Variants in SLCO3A1 observed in about 807,000 individuals in gnomAD.
SLCO3A1 encodes solute carrier organic anion transporter family member 3A1.
A neutral mutation model predicts 63.1 loss-of-function variants in SLCO3A1; 27 were observed. The ratio of observed to expected loss-of-function variants is 0.43; its 90% CI spans 0.32 to 0.59. SLCO3A1 has a LOEUF of 0.59. Among genes scored for constraint, SLCO3A1 ranks in the 20% least tolerant of loss-of-function variants. The probability of loss-of-function intolerance (pLI) is 0.09; values close to 1 mark genes in which losing one functional copy is unlikely to be tolerated. For synonymous variants in SLCO3A1, 473 were observed against 409.9 expected (o/e 1.15, Z -1.86); for missense variants, 773 against 945.8 (o/e 0.82, Z 2.40).
At chr15:92,030,691 A>C (rs1014055702) in intron 2 of SLCO3A1, among the ~76,000 whole-genome samples, 3 of 152,116 alleles carry the variant, frequency 2.0e-5, no homozygotes, top group African/African-American at 4.8e-5. Flanking sequence ...GTTGAGCAAC[A>C]TGCTCTAGGT....
At chr15:92,131,585 C>G (rs1202922926) in intron 7 of SLCO3A1, among the ~76,000 whole-genome samples, 1 of 144,954 alleles carries the variant, frequency 6.9e-6, no homozygotes, top group African/African-American at 2.5e-5. Flanking sequence ...CCAGGCTGGT[C>G]TTGAACTCCT....
At chr15:92,064,761 C>A (rs955408932) in intron 2 of SLCO3A1, among the ~76,000 whole-genome samples, 2 of 152,086 alleles carry the variant, frequency 1.3e-5, no homozygotes, top group African/African-American at 4.8e-5. Flanking sequence ...ATGAAATAAG[C>A]CAGGCACAAA....
At chr15:91,932,147 C>T (rs552811103) in intron 2 of SLCO3A1, among the ~76,000 whole-genome samples, 2 of 152,228 alleles carry the variant, frequency 1.3e-5, no homozygotes, top group African/African-American at 4.8e-5. Flanking sequence ...GAAACTGAGG[C>T]TCAGCAGAAT....
At chr15:91,995,877 C>G (rs2046186332) in intron 2 of SLCO3A1, among the ~76,000 whole-genome samples, 1 of 151,724 alleles carries the variant, frequency 6.6e-6, no homozygotes, top group Non-Finnish European at 1.5e-5. Flanking sequence ...TAGAAGGTAA[C>G]TTCCTTATTC....
chr15:92,032,375 C>T (rs1018173948), intron 2 of SLCO3A1, among the ~76,000 whole-genome samples: 5 of 151,954 alleles, frequency 3.3e-5, no homozygotes, highest in African/African-American at 9.7e-5. Context: ...ATGAGGACTT[C>T]AACACAGCAT....
chr15:92,044,762 C>A (rs143144418), intron 2 of SLCO3A1, among the ~76,000 whole-genome samples: 34 of 152,242 alleles, frequency 2.2e-4, no homozygotes, highest in African/African-American at 7.9e-4. Flanking sequence ...GATGCTCCAG[C>A]TTCTACCCAA....
In SLCO3A1 at chr15:91,916,116, C is replaced by G; in HGVS notation, c.304C>G (p.Arg102Gly). 1 of 1,611,332 alleles carries G rather than the reference C, an allele frequency of 6.2e-7. No individual in the cohort carries two copies. Among genetic ancestry groups the G allele is most frequent in the Non-Finnish European group, 8.5e-7 (1 of 1,179,530 alleles). Reference sequence around the variant, plus strand: ...CCTCTTCGTGAGCTACTTCGGGGCACGCGGGCACCGGCCGCGCCTGATCGG... The same window carrying G: ...CCTCTTCGTGAGCTACTTCGGGGCAGGCGGGCACCGGCCGCGCCTGATCGG... ...LILFVSYFGA[R>G]GHRPRLIGCG... The change falls in exon 2 of 10, where the codon CGC (arginine) becomes GGC (glycine). Residue 102 changes from arginine (R) to glycine (G), a missense_variant. Physicochemically the swap from Arg to Gly is moderately radical, Grantham distance 125. This residue lies in a region of SLCO3A1 where 565 missense variants were observed against 749.8 expected (regional missense o/e 0.75). Transcript: ENST00000318445. The surrounding 1 kb of genome is among the most constrained non-coding windows in gnomAD (Gnocchi z 6.2).
chr15:91,907,329 C>T (rs1314576072), intron 1 of SLCO3A1, among the ~76,000 whole-genome samples: 1 of 152,036 alleles, frequency 6.6e-6, no homozygotes, highest in Non-Finnish European at 1.5e-5. Context: ...CCTCAGCCTC[C>T]CGAGTAGCTG....
At chr15:92,068,189 G>T (rs1365329428) in intron 2 of SLCO3A1, among the ~76,000 whole-genome samples, 1 of 152,126 alleles carries the variant, frequency 6.6e-6, no homozygotes, top group African/African-American at 2.4e-5. Flanking sequence ...GTGATAGAGC[G>T]GCACGAAGCT....
chr15:92,020,650 A>G (rs1486403272), intron 2 of SLCO3A1, among the ~76,000 whole-genome samples: 1 of 152,158 alleles, frequency 6.6e-6, no homozygotes, highest in East Asian at 1.9e-4. Flanking sequence ...CCGTGCATGC[A>G]CCACCCAGCA....
chr15:92,069,096 G>GCCCCCCCCCCCACCCCCCCCC (rs56003783), intron 2 of SLCO3A1, among the ~76,000 whole-genome samples: 1 of 115,740 alleles, frequency 8.6e-6, no homozygotes, highest in Non-Finnish European at 1.8e-5. Context: ...GGCTCCCCCC[G>GCCCCCCCCCCCACCCCCCCCC]CCCCCCCCCC....
chr15:92,147,031 A>G lies in SLCO3A1; in HGVS notation c.1560A>G (p.Ala520=). 2.5e-6 allele frequency: 4 copies of G among 1,614,118 alleles called. No homozygotes were observed. Among genetic ancestry groups the G allele is most frequent in the Non-Finnish European group, 3.4e-6 (4 of 1,180,010 alleles). The change falls in exon 8 of 10, where the codon GCA becomes GCG. Residue 520 remains alanine, a synonymous_variant. Transcript: ENST00000318445. ...ACLTTVPAEN[A]TVVPGKCPSP... is the part of the protein sequence containing the mutation. ...TCACCACCGTCCCTGCTGAGAACGC[A>G]ACCGTGGTTCCTGGAAAATGCCCCA... is the stretch of plus-strand genomic sequence containing the variant.
chr15:92,144,252 A>T (rs995348804), intron 7 of SLCO3A1, among the ~76,000 whole-genome samples: 1 of 152,142 alleles, frequency 6.6e-6, no homozygotes, highest in African/African-American at 2.4e-5. Context: ...CATATACATG[A>T]TGTATACACA....
At chr15:91,939,198 C>G (rs1233442174) in intron 2 of SLCO3A1, among the ~76,000 whole-genome samples, 1 of 152,130 alleles carries the variant, frequency 6.6e-6, no homozygotes, top group African/African-American at 2.4e-5. Flanking sequence ...AAAGGAGGAG[C>G]AGGCACGTCA....
At chr15:92,130,497 G>C (rs1464787452) in intron 7 of SLCO3A1, among the ~76,000 whole-genome samples, 1 of 152,248 alleles carries the variant, frequency 6.6e-6, no homozygotes, top group Non-Finnish European at 1.5e-5. Context: ...TGCAGAGGCA[G>C]ATCTCTAGAT....
Position 92,164,950 on chromosome 15 carries a change from G to T in SLCO3A1, c.*1815G>T. On this transcript the variant is annotated 3_prime_UTR_variant, in exon 10 of 10. Transcript: ENST00000318445. Reference sequence around the variant, plus strand: ...TTGTTCATGTCACATTCCTGGCGCTGGAAAAAAAACTCAAAGGTTGATTGG... The same window carrying T: ...TTGTTCATGTCACATTCCTGGCGCTTGAAAAAAAACTCAAAGGTTGATTGG... The T allele has an allele frequency of 1.0e-6, 1 of 977,042 alleles. No homozygotes were observed. 60.5% of individuals were successfully genotyped at this position (977,042 alleles called of 1,614,324 possible).
chr15:91,891,748 T>C (rs966804320), intron 1 of SLCO3A1, among the ~76,000 whole-genome samples: 2 of 152,208 alleles, frequency 1.3e-5, no homozygotes, highest in Non-Finnish European at 1.5e-5. Flanking sequence ...CCTTAATATA[T>C]AGTAAATAGG....
chr15:92,056,936 T>G (rs1490277370), intron 2 of SLCO3A1, among the ~76,000 whole-genome samples: 3 of 152,242 alleles, frequency 2.0e-5, no homozygotes, highest in Non-Finnish European at 4.4e-5. Flanking sequence ...GTTACCCAGT[T>G]AATTCTTTCA....
intron 7 of SLCO3A1, among the ~76,000 whole-genome samples, chr15:92,146,630 G>T (rs989016410): frequency 6.6e-6 from 1 of 152,226 alleles, no homozygotes; most frequent in Admixed American, 6.5e-5. Flanking sequence ...AAATTGGCAA[G>T]TAATTACAAT....
Sources: gnomAD v4.1 joint callset for allele counts (sites outside exome capture counted in the v4.1 genomes callset) on GRCh38, gnomAD v4.1.1 for gene constraint, gnomAD v4.1.1 regional missense constraint, Gnocchi (gnomAD v3.1) non-coding constraint, MANE v1.5 for transcripts, NCBI Gene and HGNC (gene_info 2026-07-23, HGNC 2026-07-21) for gene names.